ATP1B3: variants seen among roughly 807,000 people sequenced by gnomAD.
ATP1B3 encodes sodium/potassium-transporting ATPase subunit beta-3.
ATP1B3 carries 10 observed loss-of-function variants against 30.2 expected under a neutral mutation model. The observed-to-expected ratio is 0.33, with a 90% CI of 0.20 to 0.56. ATP1B3 has a LOEUF of 0.56. Ranked by LOEUF, ATP1B3 falls within the 20% of genes least tolerant of loss-of-function variation. ATP1B3 has a pLI of 0.90. For missense variants in ATP1B3, 238 were observed against 336.7 expected (o/e 0.71, Z 2.29); for synonymous variants, 113 against 117.0 (o/e 0.97, Z 0.22).
At chr3:141,892,031 C>T (rs180864690) in intron 1 of ATP1B3, among the ~76,000 whole-genome samples, 1 of 151,960 alleles carries the variant, frequency 6.6e-6, no homozygotes, top group East Asian at 1.9e-4. Context: ...TACTAGGTAA[C>T]TGTTGTGTTT....
chr3:141,916,950 T>A (rs1934475357), intron 5 of ATP1B3, among the ~76,000 whole-genome samples: 1 of 151,776 alleles, frequency 6.6e-6, no homozygotes, highest in South Asian at 2.1e-4. Context: ...AAGCTCCGCC[T>A]CCCGGGTTCA....
At chr3:141,919,484 CA>C (rs1449249659) in intron 5 of ATP1B3, among the ~76,000 whole-genome samples, 2 of 152,050 alleles carry the variant, frequency 1.3e-5, no homozygotes, top group African/African-American at 4.8e-5. Context: ...ATATTTATGT[CA>C]TTTTTTTCTC....
rs574340965 is a variant in ATP1B3, at chr3:141,901,242, C to T, written c.110-2378C>T. On this transcript the variant is annotated intron_variant, in intron 1 of 6. Coordinates refer to ENST00000286371, the MANE Select transcript of ATP1B3 (RefSeq NM_001679.4). ...CGGGCATGGCACATTGAATAGGTTC[C>T]ATGAACACTATCCATGACTAAGTCA... is the stretch of plus-strand genomic sequence containing the variant. 2.9e-4 allele frequency among the ~76,000 whole-genome samples: 44 copies of T among 152,286 alleles called. 2 individuals carry two copies. The South Asian group carries it at 8.5e-3, about 29-fold the overall frequency.
At chr3:141,916,116 C>CA in intron 5 of ATP1B3, 96 bp downstream of exon 5, 1 of 1,155,626 alleles carries the variant, frequency 8.7e-7, no homozygotes, top group East Asian at 2.4e-5. Context: ...TCTTCCCTGT[C>CA]ACATTTTAAA....
At chr3:141,889,483 A>T (rs972752128) in intron 1 of ATP1B3, among the ~76,000 whole-genome samples, 11 of 151,922 alleles carry the variant, frequency 7.2e-5, no homozygotes, top group Non-Finnish European at 1.5e-4. Flanking sequence ...TGATCCCAGC[A>T]CTTTGGGAGG....
chr3:141,904,900 G>C (rs1484419040), intron 2 of ATP1B3, among the ~76,000 whole-genome samples: 1 of 151,494 alleles, frequency 6.6e-6, no homozygotes, highest in Non-Finnish European at 1.5e-5. Context: ...TAGTAGAGAC[G>C]GGGTTTCACC....
At chr3:141,884,377 CCTG>C in intron 1 of ATP1B3, among the ~76,000 whole-genome samples, 1 of 152,260 alleles carries the variant, frequency 6.6e-6, no homozygotes, top group South Asian at 2.1e-4. Context: ...TACTCATACT[CCTG>C]CTCCCACTCC....
chr3:141,892,965 A>G (rs1274863389), intron 1 of ATP1B3, among the ~76,000 whole-genome samples: 1 of 152,174 alleles, frequency 6.6e-6, no homozygotes, highest in Non-Finnish European at 1.5e-5. Context: ...AGATGTTACC[A>G]GTAAGTCTTA....
At chr3:141,883,823 T>C (rs79471357) in intron 1 of ATP1B3, among the ~76,000 whole-genome samples, 5,727 of 152,270 alleles carry the variant, frequency 0.038, 358 homozygotes, top group African/African-American at 0.13. Flanking sequence ...TGGGGCATTT[T>C]CCTTTTTCTT....
chr3:141,881,107 G>T (rs1212920247), intron 1 of ATP1B3, among the ~76,000 whole-genome samples: 1 of 151,758 alleles, frequency 6.6e-6, no homozygotes, highest in Non-Finnish European at 1.5e-5. Context: ...GGAGGCTGAG[G>T]CAGGAGAATT....
In ATP1B3 at chr3:141,925,436, C is replaced by T. The variant is rs188502708; in HGVS notation, c.670-95C>T. 1.4e-4 allele frequency: 195 copies of T among 1,406,534 alleles called. 2 individuals are homozygous for T. Among genetic ancestry groups the T allele is most frequent in the Admixed American group, 9.0e-4 (39 of 43,144 alleles). 87.1% of individuals were successfully genotyped at this position (1,406,534 alleles called of 1,614,324 possible). A position where few individuals can be genotyped will look rare whatever the true frequency, so the allele number is the denominator to read the frequency against. ...TGCACTGCAGCCTGGGCAACAGTCT[C>T]AAAAAGAAAATTTACAGAATAAGCC... is the stretch of plus-strand genomic sequence containing the variant. On this transcript the variant is annotated intron_variant, in intron 6 of 6. Transcript: ENST00000286371.
chr3:141,894,080 A>G (rs1187922240), intron 1 of ATP1B3, among the ~76,000 whole-genome samples: 4 of 152,196 alleles, frequency 2.6e-5, no homozygotes, highest in Admixed American at 1.3e-4. Flanking sequence ...ACATATCTCA[A>G]CATAGAAAAG....
At chr3:141,885,369 T>C (rs984597659) in intron 1 of ATP1B3, among the ~76,000 whole-genome samples, 2 of 152,204 alleles carry the variant, frequency 1.3e-5, no homozygotes, top group Admixed American at 1.3e-4. Context: ...CGTACCAAAT[T>C]TCATTAACAC....
At chr3:141,897,702 T>G (rs1934093853) in intron 1 of ATP1B3, among the ~76,000 whole-genome samples, 2 of 152,076 alleles carry the variant, frequency 1.3e-5, no homozygotes, top group Non-Finnish European at 2.9e-5. Flanking sequence ...TCATCGGGTT[T>G]TTGTTTTTGT....
intron 1 of ATP1B3, among the ~76,000 whole-genome samples, chr3:141,888,108 T>C (rs1486108838): frequency 2.0e-5 from 3 of 152,254 alleles, no homozygotes; most frequent in African/African-American, 7.2e-5. Flanking sequence ...CTCTGATGTT[T>C]GCAACTTGAA....
Position 141,924,430 on chromosome 3 carries a change from G to A in ATP1B3, c.670-1101G>A, listed in dbSNP as rs147927043. The stretch of plus-strand genomic sequence containing the variant: ...GAGGTAGGTGGATCATCTGGGGTCA[G>A]GAGTTCGAGACCAGCCTGGCCAACT... On this transcript the variant is annotated intron_variant, in intron 6 of 6. Transcript: ENST00000286371. 9.8e-3 allele frequency among the ~76,000 whole-genome samples: 1,487 copies of A among 151,622 alleles called. 23 individuals are homozygous for A. The highest frequency in any genetic ancestry group is 0.034 in the African/African-American group (1,390 of 41,322).
intron 5 of ATP1B3, among the ~76,000 whole-genome samples, chr3:141,920,295 G>A (rs1934544058): frequency 6.6e-6 from 1 of 152,118 alleles, no homozygotes; most frequent in East Asian, 1.9e-4. Context: ...TCTGGGTTGG[G>A]TGTGGTGGAT....
At chr3:141,902,242 G>A in intron 1 of ATP1B3, 3 of 1,269,640 alleles carry the variant, frequency 2.4e-6, no homozygotes. Context: ...TTGGGGGGGA[G>A]GGGTAGAATG....
chr3:141,919,211 CTTGA>C (rs1317945641), intron 5 of ATP1B3, among the ~76,000 whole-genome samples: 1 of 149,906 alleles, frequency 6.7e-6, no homozygotes, highest in Non-Finnish European at 1.5e-5. Context: ...TTTGTTCTGC[CTTGA>C]TTGTTTTTAT....
Sources: gnomAD v4.1 joint callset for allele counts (sites outside exome capture counted in the v4.1 genomes callset) on GRCh38, gnomAD v4.1.1 for gene constraint, MANE v1.5 for transcripts, NCBI Gene and HGNC (gene_info 2026-07-23, HGNC 2026-07-21) for gene names.